Variants in NETO1 observed in about 807,000 individuals in gnomAD.
NETO1 encodes neuropilin and tolloid-like protein 1.
Under a neutral mutation model 61.3 loss-of-function variants are expected in NETO1, and 26 were observed. The ratio of observed to expected loss-of-function variants is 0.42; its 90% confidence interval spans 0.31 to 0.59. The LOEUF is 0.59. Ranked by LOEUF, NETO1 falls within the 20% of genes least tolerant of loss-of-function variation. The pLI is 0.12. For missense variants in NETO1, 531 were observed against 662.8 expected (o/e 0.80, Z 2.18); for synonymous variants, 225 against 225.8 (o/e 1.00, Z 0.03).
In NETO1 at chr18:72,830,202, G is replaced by A. The variant is rs73474011; in HGVS notation, c.469+28624C>T. ...ACAGCATAGAGGAAGCGGCGGCACA[G>A]GGAAGGAAGCAGCCCTCCCAAGAGA... On this transcript the variant is annotated intron_variant, in intron 4 of 10. Transcript: ENST00000327305. This position sits in a 1 kb window ranked among gnomAD's most constrained non-coding sequence, Gnocchi z 4.9. Among the ~76,000 whole-genome samples the A allele has an allele frequency of 0.018, 2,777 of 152,224 alleles. 90 individuals carry two copies. Among genetic ancestry groups the A allele is most frequent in the African/African-American group, 0.064 (2,648 of 41,514 alleles).
intron 6 of NETO1, among the ~76,000 whole-genome samples, chr18:72,785,313 C>G (rs143947534): frequency 2.5e-4 from 38 of 152,246 alleles, no homozygotes; most frequent in Middle Eastern, 3.4e-3. Context: ...AAATGTATCT[C>G]TTGTCCTCCA....
chr18:72,851,752 A>G (rs183031920), intron 4 of NETO1, among the ~76,000 whole-genome samples: 31 of 152,296 alleles, frequency 2.0e-4, no homozygotes, highest in African/African-American at 7.5e-4. Flanking sequence ...TAATGGTGAA[A>G]CGCGGGTGAT....
Position 72,842,652 on chromosome 18 carries a change from G to GT in NETO1, c.469+16173dup, listed in dbSNP as rs1236472081. ...TTGAACAAATTGGTGTCTTTGAGAA[G>GT]TTAAGCCTGAAGCCAATAGGCATTT... On this transcript the variant is annotated intron_variant, in intron 4 of 10. Transcript: ENST00000327305. 3.3e-5 allele frequency among the ~76,000 whole-genome samples: 5 copies of GT among 152,162 alleles called. No homozygotes were observed. The East Asian group carries it at 9.6e-4, about 29-fold the overall frequency.
In NETO1 at chr18:72,830,859, T is replaced by G. The variant is rs2145387211; in HGVS notation, c.469+27967A>C. Among the ~76,000 whole-genome samples, 1 of 152,292 alleles carries G rather than the reference T, an allele frequency of 6.6e-6. No individual in the cohort carries two copies. The highest frequency in any genetic ancestry group is 1.5e-5 in the Non-Finnish European group (1 of 68,006). On this transcript the variant is annotated intron_variant, in intron 4 of 10. Coordinates refer to ENST00000327305, the MANE Select transcript of NETO1 (RefSeq NM_138966.5). The surrounding 1 kb of genome is among the most constrained non-coding windows in gnomAD (Gnocchi z 4.9). Reference sequence around the variant, plus strand: ...CACTTATGGGTTCCAGTTGTTCACTTTTTATCCCCTATTTTCTTCTCTGAA... The same window carrying G: ...CACTTATGGGTTCCAGTTGTTCACTGTTTATCCCCTATTTTCTTCTCTGAA...
intron 3 of NETO1, among the ~76,000 whole-genome samples, chr18:72,860,405 T>C (rs1400249756): frequency 1.3e-5 from 2 of 152,166 alleles, no homozygotes; most frequent in African/African-American, 4.8e-5. Context: ...AAATGTAAAC[T>C]CTGGTATGCG....
At chr18:72,841,014 C>G (rs1357155083) in intron 4 of NETO1, among the ~76,000 whole-genome samples, 2 of 152,282 alleles carry the variant, frequency 1.3e-5, no homozygotes, top group East Asian at 3.9e-4. Context: ...GCACAAGCCT[C>G]AAGAACAACA....
intron 6 of NETO1, among the ~76,000 whole-genome samples, chr18:72,788,301 T>C (rs933576617): frequency 6.6e-6 from 1 of 152,172 alleles, no homozygotes; most frequent in African/African-American, 2.4e-5. Context: ...GATCTAGTGA[T>C]GGCAATGATT....
chr18:72,839,959 C>T (rs1302243181), intron 4 of NETO1, among the ~76,000 whole-genome samples: 1 of 152,194 alleles, frequency 6.6e-6, no homozygotes, highest in Admixed American at 6.5e-5. Flanking sequence ...TTAATAAATG[C>T]ATGAACTATA....
At chr18:72,816,857 G>T (rs1271272359) in intron 4 of NETO1, among the ~76,000 whole-genome samples, 1 of 152,138 alleles carries the variant, frequency 6.6e-6, no homozygotes, top group East Asian at 1.9e-4. Flanking sequence ...ATTGGCTGCT[G>T]CCAAGGAGTC....
At chr18:72,811,631 C>A (rs2072869825) in intron 4 of NETO1, among the ~76,000 whole-genome samples, 1 of 152,026 alleles carries the variant, frequency 6.6e-6, no homozygotes, top group South Asian at 2.1e-4. Context: ...CAGTGAGACC[C>A]ACATCTCTAC....
intron 4 of NETO1, among the ~76,000 whole-genome samples, chr18:72,848,023 T>G (rs553689645): frequency 3.9e-5 from 6 of 152,192 alleles, no homozygotes; most frequent in Non-Finnish European, 8.8e-5. Flanking sequence ...CAGAGATAAT[T>G]TGAGTCTTTT....
chr18:72,752,288 A>C (rs556054990), intron 8 of NETO1, among the ~76,000 whole-genome samples: 1 of 152,290 alleles, frequency 6.6e-6, no homozygotes, highest in Admixed American at 6.5e-5. Flanking sequence ...GGCACTGTCA[A>C]AAGCAGTAGA....
intron 7 of NETO1, among the ~76,000 whole-genome samples, chr18:72,778,042 A>C (rs761865664): frequency 2.0e-5 from 3 of 152,180 alleles, no homozygotes; most frequent in Non-Finnish European, 4.4e-5. Flanking sequence ...TTGCTGATCA[A>C]AATGTGCACC....
chr18:72,779,155 T>C (rs141125141), intron 7 of NETO1, among the ~76,000 whole-genome samples: 2 of 152,302 alleles, frequency 1.3e-5, no homozygotes, highest in East Asian at 3.9e-4. Flanking sequence ...ACTGATTTTA[T>C]ATCTCCAACT....
At chr18:72,806,370 T>C (rs890224745) in intron 4 of NETO1, among the ~76,000 whole-genome samples, 1 of 152,296 alleles carries the variant, frequency 6.6e-6, no homozygotes, top group Admixed American at 6.5e-5. Context: ...TATAAACTCA[T>C]CCAGATCCAC....
intron 4 of NETO1, among the ~76,000 whole-genome samples, chr18:72,842,243 T>TGAC (rs944226283): frequency 3.3e-5 from 5 of 152,200 alleles, no homozygotes; most frequent in Non-Finnish European, 7.3e-5. Flanking sequence ...TTCCACTAGT[T>TGAC]GACAACACAT....
intron 6 of NETO1, among the ~76,000 whole-genome samples, chr18:72,793,605 T>C (rs1249680204): frequency 1.3e-5 from 2 of 152,182 alleles, no homozygotes; most frequent in East Asian, 1.9e-4. Flanking sequence ...AGGAGCTTCA[T>C]GGGCAGCTAA....
intron 4 of NETO1, among the ~76,000 whole-genome samples, chr18:72,827,005 T>C (rs1056295894): frequency 2.0e-5 from 3 of 152,056 alleles, no homozygotes; most frequent in African/African-American, 7.2e-5. Flanking sequence ...CCTACAGTTA[T>C]TCTTGAAAAC....
chr18:72,838,203 A>G (rs1041303138), intron 4 of NETO1, among the ~76,000 whole-genome samples: 8 of 152,228 alleles, frequency 5.3e-5, no homozygotes, highest in African/African-American at 1.9e-4. Flanking sequence ...GTTAAAGACA[A>G]AGGAGAAAAA....
Sources: gnomAD v4.1 joint callset for allele counts (sites outside exome capture counted in the v4.1 genomes callset) on GRCh38, gnomAD v4.1.1 for gene constraint, Gnocchi (gnomAD v3.1) non-coding constraint, MANE v1.5 for transcripts, NCBI Gene and HGNC (gene_info 2026-07-23, HGNC 2026-07-21) for gene names.